The following MCCC1 variants were observed in gnomAD, a reference collection of about 807,000 sequenced individuals.
The protein encoded by MCCC1 is methylcrotonyl-CoA carboxylase subunit 1.
In MCCC1, 64 loss-of-function variants were observed where a neutral mutation model predicts 83.8. That is an observed-to-expected ratio of 0.76 (90% CI 0.62 to 0.94). MCCC1 has a LOEUF of 0.94. Among genes scored for constraint, MCCC1 ranks in the 40% least tolerant of loss-of-function variants. MCCC1 has a pLI of 0.00. For missense variants in MCCC1, 807 were observed against 904.7 expected (o/e 0.89, Z 1.39); for synonymous variants, 322 against 315.4 (o/e 1.02, Z -0.22).
At chr3:183,026,912 T>C (rs1173378336) in intron 14 of MCCC1, among the ~76,000 whole-genome samples, 1 of 152,158 alleles carries the variant, frequency 6.6e-6, no homozygotes, top group African/African-American at 2.4e-5. Flanking sequence ...ACCTAATAAA[T>C]GATTCATGTT....
At chr3:183,049,504 G>A (rs556713420) in intron 9 of MCCC1, among the ~76,000 whole-genome samples, 105 of 151,360 alleles carry the variant, frequency 6.9e-4, no homozygotes, top group African/African-American at 2.3e-3. Flanking sequence ...CCCAGGAGGC[G>A]GAGGTTGCAG....
At chr3:183,023,270 T>C (rs1712306314) in intron 15 of MCCC1, among the ~76,000 whole-genome samples, 1 of 152,210 alleles carries the variant, frequency 6.6e-6, no homozygotes, top group Non-Finnish European at 1.5e-5. Flanking sequence ...AGAAGTCACA[T>C]GGCTATTCTT....
chr3:183,084,396 T>C (rs560041788), intron 4 of MCCC1, among the ~76,000 whole-genome samples: 1 of 152,194 alleles, frequency 6.6e-6, no homozygotes, highest in Non-Finnish European at 1.5e-5. Flanking sequence ...ATATTTATGT[T>C]AAAGGGCCTG....
Position 183,022,447 on chromosome 3 carries a change from G to C in MCCC1, c.1839C>G (p.Ile613Met). The C allele has an allele frequency of 6.2e-7, 1 of 1,614,146 alleles. No homozygotes were observed. Among genetic ancestry groups the C allele is most frequent in the Non-Finnish European group, 8.5e-7 (1 of 1,180,022 alleles). ...NGVASKAKLI[I>M]LENTIYLFSK... ...AAAATAGGTAAATAGTGTTTTCCAG[G>C]ATAATCAGCTTCGCTTTACTAGCAA... Residue 613 changes from isoleucine to methionine, a missense_variant, in exon 16 of 19, where the codon ATC becomes ATG. By Grantham distance (10) the Ile-to-Met change is conservative. Transcript: ENST00000265594.
intron 8 of MCCC1, among the ~76,000 whole-genome samples, chr3:183,053,075 G>A (rs1715113415): frequency 6.6e-6 from 1 of 152,142 alleles, no homozygotes; most frequent in South Asian, 2.1e-4. Flanking sequence ...CTTTTATTGG[G>A]ACAAGATGTG....
intron 3 of MCCC1, among the ~76,000 whole-genome samples, chr3:183,091,500 G>A (rs779199861): frequency 7.9e-5 from 12 of 152,142 alleles, no homozygotes; most frequent in Non-Finnish European, 1.8e-4. Flanking sequence ...CCTGGAAGGT[G>A]GAGGTTGCAG....
At position 183,050,577 on chromosome 3, in the gene MCCC1, G is replaced by A. The variant is rs145258471; in HGVS notation, c.955+1582C>T. Among the ~76,000 whole-genome samples the A allele has an allele frequency of 4.5e-3, 682 of 151,838 alleles. 3 individuals carry two copies. Among genetic ancestry groups the A allele is most frequent in the African/African-American group, 0.016 (645 of 41,408 alleles). On this transcript the variant is annotated intron_variant, in intron 9 of 18. Coordinates refer to ENST00000265594, the MANE Select transcript of MCCC1 (RefSeq NM_020166.5). ...AAAGTAGCTGGGTGTGTGATGGCAC[G>A]TGCCTGTAATCCCAGCTACTCAGGG...
At chr3:183,059,265 T>C (rs1366663709) in intron 7 of MCCC1, among the ~76,000 whole-genome samples, 1 of 152,142 alleles carries the variant, frequency 6.6e-6, no homozygotes, top group Non-Finnish European at 1.5e-5. Context: ...GCCGAGATCG[T>C]GCCACTGCAC....
intron 7 of MCCC1, among the ~76,000 whole-genome samples, chr3:183,065,091 T>C (rs2108516775): frequency 6.6e-6 from 1 of 152,338 alleles, no homozygotes; most frequent in Middle Eastern, 3.4e-3. Flanking sequence ...CATGTCTTTC[T>C]GAATTGTTCT....
chr3:183,110,469 C>T (rs989642493), intron 1 of MCCC1, among the ~76,000 whole-genome samples: 3 of 151,202 alleles, frequency 2.0e-5, no homozygotes, highest in Admixed American at 6.6e-5. Flanking sequence ...TCTCAGCTCA[C>T]TGTGAGCTCC....
intron 10 of MCCC1, among the ~76,000 whole-genome samples, chr3:183,042,730 T>A (rs1714191793): frequency 6.6e-6 from 1 of 152,220 alleles, no homozygotes; most frequent in Admixed American, 6.5e-5. Flanking sequence ...TCAAATTTTG[T>A]CTCTATACTT....
chr3:183,101,094 G>A (rs1389267749), upstream of MCCC1, among the ~76,000 whole-genome samples: 11 of 152,252 alleles, frequency 7.2e-5, no homozygotes, highest in African/African-American at 2.4e-4. Flanking sequence ...GCCCACCGGC[G>A]CTGCGCTCGA....
chr3:183,061,256 T>A (rs1458361996), intron 7 of MCCC1, among the ~76,000 whole-genome samples: 1 of 152,158 alleles, frequency 6.6e-6, no homozygotes, highest in Non-Finnish European at 1.5e-5. Flanking sequence ...TAAGTTGTTT[T>A]TTTTCCCCCT....
At chr3:183,091,076 C>A (rs147022372) in intron 3 of MCCC1, 2 of 455,766 alleles carry the variant, frequency 4.4e-6, no homozygotes, top group South Asian at 1.6e-5. Context: ...TGGAATGAAG[C>A]GAAACAAGTT....
chr3:183,022,356 T>C, intron 16 of MCCC1, 61 bp downstream of exon 16: 1 of 1,578,510 alleles, frequency 6.3e-7, no homozygotes, highest in South Asian at 1.1e-5. Flanking sequence ...CAGTGGAATG[T>C]CTCTGGTCAA....
At chr3:183,015,919 T>G (rs914812389) in intron 18 of MCCC1, among the ~76,000 whole-genome samples, 1 of 151,320 alleles carries the variant, frequency 6.6e-6, no homozygotes, top group African/African-American at 2.4e-5. Flanking sequence ...TTGTTTTTTT[T>G]TTTTTGTTTT....
chr3:183,090,259 G>A (rs1219431889), intron 3 of MCCC1, among the ~76,000 whole-genome samples: 1 of 152,138 alleles, frequency 6.6e-6, no homozygotes, highest in Non-Finnish European at 1.5e-5. Flanking sequence ...GCTGCTGAGG[G>A]GTCAAGTCAG....
chr3:183,045,739 C>A lies in MCCC1; in HGVS notation c.956-199G>T, dbSNP rs531852738. ...TAGAGAGCTGCATGAAATTTGGCAA[C>A]GGAAAAGTATATTTGGGGTTGTGAG... On this transcript the variant is annotated intron_variant, in intron 9 of 18. Coordinates refer to ENST00000265594, the MANE Select transcript of MCCC1 (RefSeq NM_020166.5). 1.7e-4 allele frequency among the ~76,000 whole-genome samples: 26 copies of A among 152,218 alleles called. 1 individual carries two copies. The East Asian group carries it at 2.1e-3, about 12-fold the overall frequency.
At chr3:183,101,098 C>T (rs1455340613), upstream of MCCC1, among the ~76,000 whole-genome samples, 19 of 152,382 alleles carry the variant, frequency 1.2e-4, no homozygotes, top group South Asian at 2.1e-4. Context: ...ACCGGCGCTG[C>T]GCTCGATTTC....
Sources: allele counts gnomAD v4.1 joint callset (sites outside exome capture counted in the v4.1 genomes callset), GRCh38; gene constraint gnomAD v4.1.1; transcripts MANE v1.5; gene names NCBI Gene and HGNC (gene_info 2026-07-23, HGNC 2026-07-21).